The following RALGPS2 variants were observed in gnomAD, a reference collection of about 807,000 sequenced individuals.
RALGPS2 encodes the protein ras-specific guanine nucleotide-releasing factor RalGPS2.
Under a neutral mutation model 86.8 loss-of-function variants are expected in RALGPS2, and 43 were observed. The ratio of observed to expected loss-of-function variants is 0.50; its 90% CI spans 0.39 to 0.64. The LOEUF is 0.64. Among genes scored for constraint, RALGPS2 ranks in the 30% least tolerant of loss-of-function variants. The pLI is 0.00. For synonymous variants in RALGPS2, 243 were observed against 231.3 expected (o/e 1.05, Z -0.46); for missense variants, 536 against 694.6 (o/e 0.77, Z 2.57).
chr1:178,841,470 C>T (rs1480121381), intron 8 of RALGPS2, among the ~76,000 whole-genome samples: 54 of 122,088 alleles, frequency 4.4e-4, no homozygotes, highest in African/African-American at 1.4e-3. Context: ...CTAAAAACTC[C>T]CAATAAATTA....
At chr1:178,905,698 A>G (rs988137373) in intron 18 of RALGPS2, among the ~76,000 whole-genome samples, 2 of 152,260 alleles carry the variant, frequency 1.3e-5, no homozygotes, top group Admixed American at 6.5e-5. Flanking sequence ...AAAAGGAAAT[A>G]AAGCTTAATT....
intron 5 of RALGPS2, among the ~76,000 whole-genome samples, chr1:178,811,045 A>T (rs1654951525): frequency 6.6e-6 from 1 of 152,110 alleles, no homozygotes; most frequent in Non-Finnish European, 1.5e-5. Context: ...TTTTAATCTT[A>T]GAATGTTAAC....
At chr1:178,787,512 C>T (rs765049794) in intron 4 of RALGPS2, among the ~76,000 whole-genome samples, 2 of 152,152 alleles carry the variant, frequency 1.3e-5, no homozygotes, top group Non-Finnish European at 2.9e-5. Context: ...ACAACAATTG[C>T]AGTACATCTT....
chr1:178,752,732 A>G (rs749524347), intron 1 of RALGPS2, among the ~76,000 whole-genome samples: 2 of 152,208 alleles, frequency 1.3e-5, no homozygotes, highest in African/African-American at 2.4e-5. Flanking sequence ...AATGTTTTAT[A>G]TGCCATAGTA....
At position 178,776,815 on chromosome 1, in the gene RALGPS2, T is replaced by G. The variant is rs1223053871; in HGVS notation, c.51T>G (p.Ala17=). The change falls in exon 2 of 20, where the codon GCT becomes GCG. Residue 17 remains alanine, a synonymous_variant. Transcript: ENST00000367635. ...GCAGTGTCAATATTGCAGCTACTGC[T>G]TCTGAGGTAAGATATTTAAGAAGCT... ...QASSVNIAAT[A]SEKSSSSESL... 3 of 1,612,576 alleles carry G rather than the reference T, an allele frequency of 1.9e-6. No individual in the cohort carries two copies. Among genetic ancestry groups the G allele is most frequent in the Admixed American group, 3.3e-5 (2 of 59,918 alleles).
chr1:178,800,869 G>A (rs1296105279), intron 4 of RALGPS2, among the ~76,000 whole-genome samples: 1 of 152,036 alleles, frequency 6.6e-6, no homozygotes, highest in Non-Finnish European at 1.5e-5. Context: ...TAAGGGTGGA[G>A]AGAGGGCTGT....
chr1:178,826,019 T>A (rs1303499719), intron 7 of RALGPS2, among the ~76,000 whole-genome samples: 1 of 152,168 alleles, frequency 6.6e-6, no homozygotes, highest in Non-Finnish European at 1.5e-5. Flanking sequence ...AGAAAGGGAA[T>A]GCTTAGAGAA....
At position 178,811,446 on chromosome 1, in the gene RALGPS2, A is replaced by G. The variant is rs764307507; in HGVS notation, c.387+42A>G. 11 of 1,306,600 alleles carry G rather than the reference A, an allele frequency of 8.4e-6. No homozygotes were observed. The African/African-American group carries it at 1.2e-4, about 15-fold the overall frequency. The allele number at this position is 1,306,600 out of a possible 1,614,324, so 80.9% of individuals were successfully genotyped here. On this transcript the variant is annotated intron_variant, in intron 6 of 19. Transcript: ENST00000367635. ...TTTTTATTTTTGAGTTCAACCATTC[A>G]TAAATGTTTGTAAGTGAATAAATAT...
intron 1 of RALGPS2, chr1:178,747,751 G>T: frequency 9.4e-7 from 1 of 1,063,030 alleles, no homozygotes; most frequent in Non-Finnish European, 1.4e-6. Flanking sequence ...ATGGTGGTGG[G>T]CATGGCAGCA....
At chr1:178,900,769 G>A (rs1444519801) in intron 17 of RALGPS2, among the ~76,000 whole-genome samples, 1 of 151,930 alleles carries the variant, frequency 6.6e-6, no homozygotes, top group Admixed American at 6.6e-5. Context: ...TAAATGCATA[G>A]AATAAGGTCT....
At chr1:178,739,485 A>G (rs1650902735) in intron 1 of RALGPS2, among the ~76,000 whole-genome samples, 2 of 152,196 alleles carry the variant, frequency 1.3e-5, no homozygotes, top group Non-Finnish European at 2.9e-5. Flanking sequence ...TTATGTGGAA[A>G]GAACATACTG....
At chr1:178,749,710 A>G (rs1205705903) in intron 1 of RALGPS2, among the ~76,000 whole-genome samples, 1 of 152,228 alleles carries the variant, frequency 6.6e-6, no homozygotes, top group Non-Finnish European at 1.5e-5. Flanking sequence ...CAGCTGCTCC[A>G]GAAGGCTGAT....
At position 178,885,957 on chromosome 1, in the gene RALGPS2, TTC is replaced by T; in HGVS notation, c.1041-10_1041-9del. On this transcript the variant is annotated splice_polypyrimidine_tract_variant and intron_variant, in intron 12 of 19. Transcript: ENST00000367635. ...AATAATAAAAGATATGAACTTTTTT[TTC>T]TGTTTCTAGTTTCATTCATAAAATG... is the stretch of plus-strand genomic sequence containing the variant. 1.3e-6 allele frequency: 2 copies of T among 1,568,240 alleles called. No homozygotes were observed. The highest frequency in any genetic ancestry group is 2.4e-5 in the South Asian group (2 of 84,188).
intron 8 of RALGPS2, among the ~76,000 whole-genome samples, chr1:178,866,314 G>A (rs1321330117): frequency 6.6e-6 from 1 of 152,106 alleles, no homozygotes; most frequent in Non-Finnish European, 1.5e-5. Context: ...TTGATCCTCT[G>A]TAATAAATTA....
intron 4 of RALGPS2, among the ~76,000 whole-genome samples, chr1:178,788,353 A>C (rs74526290): frequency 0.017 from 2,595 of 152,310 alleles, 72 homozygotes; most frequent in African/African-American, 0.058. Context: ...AAGGTATAGC[A>C]GTAAGCCAAC....
At position 178,821,634 on chromosome 1, in the gene RALGPS2, T is replaced by C. The variant is rs373250030; in HGVS notation, c.410T>C (p.Leu137Pro). 7 of 1,613,618 alleles carry C rather than the reference T, an allele frequency of 4.3e-6. No individual in the cohort carries two copies. Among genetic ancestry groups the C allele is most frequent in the Non-Finnish European group, 5.9e-6 (7 of 1,179,754 alleles). The change falls in exon 7 of 20, where the codon CTT becomes CCT. Residue 137 changes from leucine to proline, a missense_variant. This residue lies in a region of RALGPS2 where 184 missense variants were observed against 296.7 expected (regional missense o/e 0.62). Coordinates refer to ENST00000367635, the MANE Select transcript of RALGPS2 (RefSeq NM_152663.5). ...TAKKLYELNN[L>P]HALMAVVSGL... ...CAGAAACTGTATGAGCTGAATAACC[T>C]TCATGCACTTATGGCAGTGGTTTCT...
chr1:178,838,715 C>T (rs896723584), intron 8 of RALGPS2, among the ~76,000 whole-genome samples: 4 of 152,084 alleles, frequency 2.6e-5, no homozygotes, highest in African/African-American at 9.7e-5. Context: ...CAGACTTCTC[C>T]GAGCTAAAGG....
intron 8 of RALGPS2, chr1:178,851,073 T>C (rs924345932): frequency 6.5e-5 from 97 of 1,486,666 alleles, no homozygotes; most frequent in Non-Finnish European, 8.6e-5. Context: ...CATTTACATT[T>C]TTAAGAGCTG....
intron 13 of RALGPS2, among the ~76,000 whole-genome samples, chr1:178,886,406 G>A (rs1219889364): frequency 6.6e-6 from 1 of 152,184 alleles, no homozygotes; most frequent in Non-Finnish European, 1.5e-5. Context: ...AGAGTGTGGA[G>A]TCAAGAATGA....
Sources: allele counts gnomAD v4.1 joint callset (sites outside exome capture counted in the v4.1 genomes callset), GRCh38; gene constraint gnomAD v4.1.1; regional missense constraint gnomAD v4.1.1; transcripts MANE v1.5; gene names NCBI Gene and HGNC (gene_info 2026-07-23, HGNC 2026-07-21).